CACNA1B: variants seen among roughly 807,000 people sequenced by gnomAD.
CACNA1B encodes calcium voltage-gated channel subunit alpha1 B, also known as voltage-dependent N-type calcium channel subunit alpha-1B.
CACNA1B carries 70 observed loss-of-function variants against 247.2 expected under a neutral mutation model. The observed-to-expected ratio is 0.28, with a 90% CI of 0.23 to 0.35. The LOEUF is 0.35. Among genes scored for constraint, CACNA1B ranks in the 10% least tolerant of loss-of-function variants. The probability of loss-of-function intolerance (pLI) is 1.00; values close to 1 mark genes in which losing one functional copy is unlikely to be tolerated. For missense variants in CACNA1B, 2,367 were observed against 3,197.4 expected (o/e 0.74, Z 6.26); for synonymous variants, 1,231 against 1,294.4 (o/e 0.95, Z 1.05).
intron 10 of CACNA1B, among the ~76,000 whole-genome samples, chr9:137,960,788 C>T (rs1958012820): frequency 6.6e-6 from 1 of 152,000 alleles, no homozygotes; most frequent in South Asian, 2.1e-4. Context: ...GGGGTGACAC[C>T]CTCTGGCTTC....
At chr9:138,098,661 G>A (rs567702786) in intron 37 of CACNA1B, among the ~76,000 whole-genome samples, 2 of 152,248 alleles carry the variant, frequency 1.3e-5, no homozygotes, top group Non-Finnish European at 2.9e-5. Context: ...ATGCACAGTG[G>A]TACCATACCA....
chr9:138,040,947 C>T (rs374335267), intron 20 of CACNA1B, among the ~76,000 whole-genome samples: 37 of 152,260 alleles, frequency 2.4e-4, no homozygotes, highest in East Asian at 5.8e-4. Flanking sequence ...GAATTAACAA[C>T]GTTTTCAGTT....
At chr9:138,021,031 C>G (rs1958838937) in intron 18 of CACNA1B, among the ~76,000 whole-genome samples, 1 of 152,238 alleles carries the variant, frequency 6.6e-6, no homozygotes, top group Admixed American at 6.5e-5. Flanking sequence ...CTGGAGTGGA[C>G]TGGGAGGCTT....
In CACNA1B at chr9:137,973,205, C is replaced by T. The variant is rs1014349503; in HGVS notation, c.1543+1613C>T. On this transcript the variant is annotated intron_variant, in intron 11 of 46. Transcript: ENST00000371372. The surrounding 1 kb of genome is among the most constrained non-coding windows in gnomAD (Gnocchi z 4.1). ...GCCACAGGCATCCCTGACCGTAGAC[C>T]GCTACTGTGTCTTCTCTGTGGTTTC... is the stretch of plus-strand genomic sequence containing the variant. Among the ~76,000 whole-genome samples, 8 of 152,148 alleles carry T rather than the reference C, an allele frequency of 5.3e-5. No individual in the cohort carries two copies. The highest frequency in any genetic ancestry group is 3.2e-3 in the Middle Eastern group (1 of 316).
At chr9:137,920,932 C>T (rs531752243) in intron 6 of CACNA1B, among the ~76,000 whole-genome samples, 3 of 152,248 alleles carry the variant, frequency 2.0e-5, no homozygotes, top group Non-Finnish European at 4.4e-5. Context: ...AGGGTGGTGG[C>T]GGAACTCCAG....
chr9:137,910,980 T>TC (rs1251990559), intron 3 of CACNA1B, among the ~76,000 whole-genome samples: 2 of 152,244 alleles, frequency 1.3e-5, no homozygotes, highest in Non-Finnish European at 2.9e-5. Flanking sequence ...ATGAATATTT[T>TC]CCCCTATGTT....
chr9:137,986,581 G>A lies in CACNA1B; in HGVS notation c.1901+37G>A. 1 of 1,611,604 alleles carries A rather than the reference G, an allele frequency of 6.2e-7. No homozygotes were observed. The highest frequency in any genetic ancestry group is 1.1e-5 in the South Asian group (1 of 90,916). ...CGGGAGGGAGAGCTCAAGGCTGGGG[G>A]CTTGCAGGGAAGCAGAGCTCAGAGC... On this transcript the variant is annotated intron_variant, in intron 14 of 46. Coordinates refer to ENST00000371372, the MANE Select transcript of CACNA1B (RefSeq NM_000718.4). This position sits in a 1 kb window ranked among gnomAD's most constrained non-coding sequence, Gnocchi z 6.0.
At chr9:138,056,931 G>A (rs1479270944) in intron 26 of CACNA1B, among the ~76,000 whole-genome samples, 1 of 121,304 alleles carries the variant, frequency 8.2e-6, no homozygotes, top group African/African-American at 3.9e-5. Flanking sequence ...TTTTTTATTT[G>A]GGTTTTTTTT....
intron 10 of CACNA1B, among the ~76,000 whole-genome samples, chr9:137,965,601 A>G (rs1000181135): frequency 2.0e-5 from 3 of 151,660 alleles, no homozygotes; most frequent in Non-Finnish European, 2.9e-5. Context: ...TTATTTATTT[A>G]TTTATTTATT....
At chr9:138,003,106 T>G (rs566250310) in intron 15 of CACNA1B, among the ~76,000 whole-genome samples, 20 of 151,508 alleles carry the variant, frequency 1.3e-4, no homozygotes, top group Non-Finnish European at 2.4e-4. Context: ...CAAATTTCTT[T>G]TTTTTAATGG....
chr9:138,061,996 C>A (rs542056240), intron 31 of CACNA1B, among the ~76,000 whole-genome samples: 2 of 152,266 alleles, frequency 1.3e-5, no homozygotes, highest in Admixed American at 1.3e-4. Flanking sequence ...CAGAGGCTAG[C>A]CAATATCTGT....
rs977506461 is a variant in CACNA1B, at chr9:138,122,005, C to T, written c.*6C>T. On this transcript the variant is annotated 3_prime_UTR_variant, in exon 47 of 47. Coordinates refer to ENST00000371372, the MANE Select transcript of CACNA1B (RefSeq NM_000718.4). ...ACCAAGACCACTGGTGCTAGCTGCA[C>T]CGTGACCGCTCAGACGCCTGCATGC... is the stretch of plus-strand genomic sequence containing the variant. The T allele has an allele frequency of 6.3e-7, 1 of 1,593,742 alleles. No homozygotes were observed. Among genetic ancestry groups the T allele is most frequent in the Non-Finnish European group, 8.5e-7 (1 of 1,176,152 alleles).
rs563455051 is a variant in CACNA1B at position 138,043,845 on chromosome 9, G to A, written c.3358G>A (p.Gly1120Ser). ...EVEADDVMRS[G>S]PRPIVPYSSM... ...GGAAGCGGATGACGTGATGAGGAGC[G>A]GCCCCCGGCCTATCGTCCCATACAG... The change falls in exon 21 of 47, where the codon GGC (glycine) becomes AGC (serine). Residue 1120 changes from glycine (G) to serine (S), a missense_variant. Gly to Ser is a moderately conservative substitution (Grantham distance 56). Coordinates refer to ENST00000371372, the MANE Select transcript of CACNA1B (RefSeq NM_000718.4). 2.0e-5 allele frequency: 33 copies of A among 1,613,954 alleles called. No homozygotes were observed. The highest frequency in any genetic ancestry group is 1.6e-4 in the Middle Eastern group (1 of 6,062).
chr9:137,961,924 C>A (rs940636451), intron 10 of CACNA1B, among the ~76,000 whole-genome samples: 2 of 152,154 alleles, frequency 1.3e-5, no homozygotes, highest in Non-Finnish European at 2.9e-5. Flanking sequence ...CCTTCCTTTA[C>A]AATTGTTTAG....
chr9:138,076,324 G>T (rs865984855), intron 35 of CACNA1B, among the ~76,000 whole-genome samples: 12 of 152,186 alleles, frequency 7.9e-5, no homozygotes, highest in Admixed American at 7.2e-4. Context: ...TGATTACAGG[G>T]ATTGGTGGGA....
Position 138,051,979 on chromosome 9 carries a change from G to C in CACNA1B, c.3711-113G>C. 1 of 640,094 alleles carries C rather than the reference G, an allele frequency of 1.6e-6. No homozygotes were observed. The highest frequency in any genetic ancestry group is 1.7e-5 in the South Asian group (1 of 57,278). The allele number at this position is 640,094 out of a possible 1,614,324, so 39.7% of individuals were successfully genotyped here. On this transcript the variant is annotated intron_variant, in intron 24 of 46. Transcript: ENST00000371372. The surrounding 1 kb of genome is among the most constrained non-coding windows in gnomAD (Gnocchi z 4.3). The stretch of plus-strand genomic sequence containing the variant: ...TCTCTGCTCCTGGGTCCTCCACCCT[G>C]GAGTCTGAGACAAAATGCACAGGGG...
rs1394525647 is a variant in CACNA1B, at chr9:138,023,606, C to G, written c.2863C>G (p.Arg955Gly). The G allele has an allele frequency of 8.9e-7, 1 of 1,122,332 alleles. No homozygotes were observed. The highest frequency in any genetic ancestry group is 1.1e-6 in the Non-Finnish European group (1 of 916,094). 69.5% of individuals were successfully genotyped at this position (1,122,332 alleles called of 1,614,324 possible). A position where few individuals can be genotyped will look rare whatever the true frequency, so the allele number is the denominator to read the frequency against. The change falls in exon 19 of 47, where the codon CGC becomes GGC. Residue 955 changes from arginine to glycine, a missense_variant. Arg to Gly is a moderately radical substitution (Grantham distance 125, BLOSUM62 -2). This residue lies in a region of CACNA1B where 631 missense variants were observed against 631.1 expected (regional missense o/e 1.00). Coordinates refer to ENST00000371372, the MANE Select transcript of CACNA1B (RefSeq NM_000718.4). ...GTGCGCCGGCGCCAAGGGCGAGCGG[C>G]GCGCGCGGCACCGCGGCGGCCCCCG... ...KECAGAKGER[R>G]ARHRGGPRAG...
Position 138,046,986 on chromosome 9 carries a change from G to A in CACNA1B, c.3496G>A (p.Ala1166Thr), listed in dbSNP as rs554281635. ...CGTGGTCATCGCCTTGAGCAGCATC[G>A]CCCTGGCTGCTGAGGACCCAGTGCG... ...ILVVIALSSI[A>T]LAAEDPVRTD... The change falls in exon 22 of 47, where the codon GCC becomes ACC. Residue 1166 changes from alanine (A) to threonine (T), a missense_variant. Ala to Thr is a moderately conservative substitution (Grantham distance 58). Around this residue, in one of 12 missense-constraint regions of CACNA1B, gnomAD observed 436 missense variants for 679.5 expected, o/e 0.64. Transcript: ENST00000371372. The A allele has an allele frequency of 1.2e-5, 20 of 1,613,510 alleles. No individual in the cohort carries two copies. The highest frequency in any genetic ancestry group is 5.3e-5 in the African/African-American group (4 of 75,058).
intron 21 of CACNA1B, among the ~76,000 whole-genome samples, 156 bp from the exon 22 acceptor site, chr9:138,046,748 C>G (rs540786168): frequency 2.0e-5 from 3 of 152,250 alleles, no homozygotes; most frequent in Non-Finnish European, 4.4e-5. Flanking sequence ...GCTGCCACCA[C>G]CAACCACAGG....
Sources: allele counts gnomAD v4.1 joint callset (sites outside exome capture counted in the v4.1 genomes callset), GRCh38; gene constraint gnomAD v4.1.1; regional missense constraint gnomAD v4.1.1; non-coding constraint Gnocchi (gnomAD v3.1); transcripts MANE v1.5; gene names NCBI Gene and HGNC (gene_info 2026-07-23, HGNC 2026-07-21).